The following CADPS variants were observed in gnomAD, a reference collection of about 807,000 sequenced individuals.
CADPS encodes the protein calcium-dependent secretion activator 1.
Under a neutral mutation model 167.3 loss-of-function variants are expected in CADPS, and 57 were observed. The observed-to-expected ratio is 0.34, with a 90% CI of 0.28 to 0.42. The LOEUF (loss-of-function observed/expected upper bound fraction) is 0.42, where lower values mean the gene tolerates loss of function less well. CADPS is among the 20% of genes least tolerant of loss of function. CADPS has a pLI of 1.00. For missense variants in CADPS, 1,414 were observed against 1,738.1 expected (o/e 0.81, Z 3.32); for synonymous variants, 676 against 635.3 (o/e 1.06, Z -0.96).
In CADPS at chr3:62,518,127, C is replaced by G. The variant is rs574012012; in HGVS notation, c.2393+22G>C. 4 of 1,548,764 alleles carry G rather than the reference C, an allele frequency of 2.6e-6. No homozygotes were observed. In the East Asian group the frequency reaches 9.0e-5, roughly 35 times the overall value. ...TCCCACTCTCATCTCCTAATTAAAG[C>G]TCTCCAGCCCCAGATCCTTACCTAA... On this transcript the variant is annotated intron_variant, in intron 14 of 29. Coordinates refer to ENST00000383710, the MANE Select transcript of CADPS (RefSeq NM_003716.4).
At chr3:62,762,054 AATG>A (rs201648580) in intron 2 of CADPS, among the ~76,000 whole-genome samples, 3 of 152,254 alleles carry the variant, frequency 2.0e-5, no homozygotes, top group East Asian at 3.9e-4. Context: ...ACTTGTTGTT[AATG>A]GTGACTAGCT....
intron 12 of CADPS, 66 bp downstream of exon 12, chr3:62,536,379 T>C: frequency 7.3e-7 from 1 of 1,366,616 alleles, no homozygotes; most frequent in Non-Finnish European, 1.0e-6. Flanking sequence ...GACATAAAGG[T>C]AGAGAAATAT....
intron 13 of CADPS, among the ~76,000 whole-genome samples, chr3:62,532,347 T>C (rs1376946996): frequency 6.6e-6 from 1 of 152,228 alleles, no homozygotes; most frequent in African/African-American, 2.4e-5. Flanking sequence ...GTTTGATGTC[T>C]GGCTTTTACT....
chr3:62,759,621 T>C (rs1411023499), intron 2 of CADPS, among the ~76,000 whole-genome samples: 1 of 152,172 alleles, frequency 6.6e-6, no homozygotes, highest in Non-Finnish European at 1.5e-5. Context: ...AAGTGGGTCC[T>C]TAATAGTTTG....
At position 62,481,757 on chromosome 3, in the gene CADPS, C is replaced by T. The variant is rs748808363; in HGVS notation, c.3139G>A (p.Ala1047Thr). ...TATATAGCAGCCATCCATGACGGTGCCGAAAAAGTAGGCATTTGTGGGATG... is the reference window on the plus strand; with the variant it reads ...TATATAGCAGCCATCCATGACGGTGTCGAAAAAGTAGGCATTTGTGGGATG... The part of the protein sequence containing the change: ...LGIPQMPTFS[A>T]PSWMAAIYDA... The change falls in exon 22 of 30, where the codon GCA (alanine) becomes ACA (threonine). Residue 1047 changes from alanine (A) to threonine (T), a missense_variant. Around this residue, in one of 6 missense-constraint regions of CADPS, gnomAD observed 529 missense variants for 629.6 expected, o/e 0.84. Transcript: ENST00000383710. The T allele has an allele frequency of 1.1e-5, 18 of 1,608,274 alleles. 1 individual carries two copies. Among genetic ancestry groups the T allele is most frequent in the Non-Finnish European group, 9.3e-6 (11 of 1,178,204 alleles).
At chr3:62,581,385 A>T (rs11130891) in intron 8 of CADPS, among the ~76,000 whole-genome samples, 18,389 of 151,322 alleles carry the variant, frequency 0.12, 1,233 homozygotes, top group East Asian at 0.27. Flanking sequence ...AATAAATTTT[A>T]ACTGAAATTG....
In CADPS at chr3:62,645,294, G is replaced by A. The variant is rs9861410; in HGVS notation, c.1325+428C>T. Among the ~76,000 whole-genome samples, 1,138 of 152,182 alleles carry A rather than the reference G, an allele frequency of 7.5e-3. 16 individuals carry two copies. The highest frequency in any genetic ancestry group is 0.023 in the African/African-American group (936 of 41,512). ...CACCAAGATCTCCCAAATCACCACT[G>A]AAGAACTTAGTAATATAACCAAATT... On this transcript the variant is annotated intron_variant, in intron 6 of 29. Transcript: ENST00000383710.
intron 1 of CADPS, among the ~76,000 whole-genome samples, chr3:62,839,008 C>A (rs995837629): frequency 6.6e-6 from 1 of 152,112 alleles, no homozygotes; most frequent in African/African-American, 2.4e-5. Context: ...CTGGGTCAGG[C>A]AGATAAGTGT....
chr3:62,598,927 A>G (rs940406649), intron 6 of CADPS, among the ~76,000 whole-genome samples: 6 of 152,182 alleles, frequency 3.9e-5, no homozygotes, highest in South Asian at 2.1e-4. Context: ...CGTGTTCAAT[A>G]TACTTCACAG....
At chr3:62,786,993 A>AT (rs1048674957) in intron 1 of CADPS, among the ~76,000 whole-genome samples, 5 of 152,042 alleles carry the variant, frequency 3.3e-5, no homozygotes, top group Non-Finnish European at 1.5e-5. Flanking sequence ...ATGATCAAGT[A>AT]TTTTTTTAAA....
intron 1 of CADPS, among the ~76,000 whole-genome samples, chr3:62,803,181 A>T (rs1040416819): frequency 1.5e-4 from 23 of 152,186 alleles, no homozygotes; most frequent in African/African-American, 5.3e-4. Context: ...CTGAGTGGGT[A>T]GATCCACAAG....
rs1270192249 is a variant in CADPS at position 62,430,153 on chromosome 3, GC to G, written c.3777+7950del. On this transcript the variant is annotated intron_variant, in intron 28 of 29. Transcript: ENST00000383710. ...ACATGATTAATCCAAATCTGTTAATGCCCCTTATCTTTTTTTGTATGCAGGA... is the reference window on the plus strand; with the variant it reads ...ACATGATTAATCCAAATCTGTTAATGCCCTTATCTTTTTTTGTATGCAGGA... Among the ~76,000 whole-genome samples, 3 of 152,280 alleles carry G rather than the reference GC, an allele frequency of 2.0e-5. No homozygotes were observed. The East Asian group carries it at 5.8e-4, about 29-fold the overall frequency.
At chr3:62,674,435 G>T (rs1439349046) in intron 3 of CADPS, among the ~76,000 whole-genome samples, 1 of 152,144 alleles carries the variant, frequency 6.6e-6, no homozygotes, top group East Asian at 1.9e-4. Flanking sequence ...TGCCTGCTCT[G>T]AAGAGTTTGT....
At chr3:62,703,042 C>A (rs2081693193) in intron 3 of CADPS, among the ~76,000 whole-genome samples, 1 of 152,108 alleles carries the variant, frequency 6.6e-6, no homozygotes, top group South Asian at 2.1e-4. Flanking sequence ...ATGTTCTCGA[C>A]TGTTTCATAA....
At chr3:62,693,632 A>C (rs1298316978) in intron 3 of CADPS, among the ~76,000 whole-genome samples, 3 of 151,912 alleles carry the variant, frequency 2.0e-5, no homozygotes, top group Non-Finnish European at 4.4e-5. Flanking sequence ...AAATACAAAA[A>C]AAATTAGCCA....
At chr3:62,402,161 C>G (rs999908710) in intron 29 of CADPS, among the ~76,000 whole-genome samples, 3 of 132,352 alleles carry the variant, frequency 2.3e-5, no homozygotes, top group African/African-American at 5.8e-5. Flanking sequence ...CACAACGGAA[C>G]AGCAGTTGGT....
intron 17 of CADPS, among the ~76,000 whole-genome samples, chr3:62,504,579 T>C (rs2066309808): frequency 2.0e-5 from 3 of 152,280 alleles, no homozygotes; most frequent in African/African-American, 4.8e-5. Context: ...TGATGAGAAA[T>C]TCATAAAGGG....
chr3:62,494,585 A>C (rs1279210168), intron 18 of CADPS, among the ~76,000 whole-genome samples: 2 of 152,154 alleles, frequency 1.3e-5, no homozygotes, highest in African/African-American at 2.4e-5. Flanking sequence ...GAAAAAACAA[A>C]ACAAAACAAA....
At chr3:62,692,808 T>C (rs570501883) in intron 3 of CADPS, among the ~76,000 whole-genome samples, 1 of 152,110 alleles carries the variant, frequency 6.6e-6, no homozygotes, top group East Asian at 1.9e-4. Flanking sequence ...TTAGGATCAG[T>C]TTGAATTTTA....
Sources: allele counts gnomAD v4.1 joint callset (sites outside exome capture counted in the v4.1 genomes callset), GRCh38; gene constraint gnomAD v4.1.1; regional missense constraint gnomAD v4.1.1; transcripts MANE v1.5; gene names NCBI Gene and HGNC (gene_info 2026-07-23, HGNC 2026-07-21).